Variants in ATOSB observed in about 807,000 individuals in gnomAD.
The protein encoded by ATOSB is atos homolog B.
the ATOSB span, chr9:35,106,573 G>C: frequency 6.4e-7 from 1 of 1,572,888 alleles, no homozygotes; most frequent in Non-Finnish European, 8.6e-7. This position sits in a 1 kb window ranked among gnomAD's most constrained non-coding sequence, Gnocchi z 4.6. Context: ...CTGACAGCAG[G>C]GGTAGGAACA....
At chr9:35,112,844 G>A in the ATOSB span, among the ~76,000 whole-genome samples, 1 of 151,860 alleles carries the variant, frequency 6.6e-6, no homozygotes, top group Non-Finnish European at 1.5e-5. Flanking sequence ...GGACCCCCCA[G>A]GGCCCTGAGG....
chr9:35,109,581 C>A, the ATOSB span: 1 of 152,202 alleles, frequency 6.6e-6, no homozygotes, highest in Non-Finnish European at 1.5e-5. Flanking sequence ...GCCAGCTGCC[C>A]CCAGGGTCAG....
chr9:35,111,111 A>C, the ATOSB span: 1 of 153,196 alleles, frequency 6.5e-6, no homozygotes, highest in South Asian at 2.1e-4. Context: ...TAAGCCAGGC[A>C]GACTCACCTG....
the ATOSB span, among the ~76,000 whole-genome samples, chr9:35,112,893 C>T: frequency 6.6e-6 from 1 of 152,118 alleles, no homozygotes; most frequent in Non-Finnish European, 1.5e-5. Context: ...CCTTCCTCTT[C>T]CCCCTAGTCC....
the ATOSB span, chr9:35,106,772 A>G: frequency 1.3e-6 from 2 of 1,535,022 alleles, no homozygotes; most frequent in Non-Finnish European, 1.8e-6. The surrounding 1 kb of genome is among the most constrained non-coding windows in gnomAD (Gnocchi z 4.6). Flanking sequence ...GATGCTGGAA[A>G]GAGTACAGAC....
At chr9:35,106,294 T>A in the ATOSB span, 1 of 1,614,068 alleles carries the variant, frequency 6.2e-7, no homozygotes, top group Non-Finnish European at 8.5e-7. This position sits in a 1 kb window ranked among gnomAD's most constrained non-coding sequence, Gnocchi z 4.6. Context: ...CATCAAAGAA[T>A]GTGACAGTGA....
At chr9:35,108,328 G>C in the ATOSB span, 1 of 1,483,126 alleles carries the variant, frequency 6.7e-7, no homozygotes, top group Non-Finnish European at 8.9e-7. Flanking sequence ...TGCTGGGCCT[G>C]GGCTGGGGGG....
At chr9:35,108,094 C>T in the ATOSB span, 1 of 1,547,852 alleles carries the variant, frequency 6.5e-7, no homozygotes, top group Non-Finnish European at 8.7e-7. Context: ...CTATGAGGCT[C>T]AGAGGTACCA....
At chr9:35,106,327 G>A in the ATOSB span, 1 of 1,614,076 alleles carries the variant, frequency 6.2e-7, no homozygotes, top group Admixed American at 1.7e-5. This position sits in a 1 kb window ranked among gnomAD's most constrained non-coding sequence, Gnocchi z 4.6. Flanking sequence ...CGTGCTGGGG[G>A]CAGTATGACC....
the ATOSB span, chr9:35,107,006 C>T: frequency 3.3e-6 from 3 of 914,254 alleles, no homozygotes; most frequent in East Asian, 2.7e-5. Flanking sequence ...TCCACCTTTA[C>T]CCACACAAAT....
the ATOSB span, among the ~76,000 whole-genome samples, chr9:35,115,032 C>A: frequency 6.9e-6 from 1 of 144,640 alleles, no homozygotes; most frequent in Non-Finnish European, 1.5e-5. Context: ...ACACCCAGAG[C>A]ATAAGGGCAG....
chr9:35,114,493 C>G, the ATOSB span, among the ~76,000 whole-genome samples: 1 of 152,094 alleles, frequency 6.6e-6, no homozygotes, highest in South Asian at 2.1e-4. Flanking sequence ...GGAACTCAAG[C>G]CTTTCCCACC....
At chr9:35,111,996 G>A in the ATOSB span, among the ~76,000 whole-genome samples, 67 of 152,256 alleles carry the variant, frequency 4.4e-4, no homozygotes, top group African/African-American at 1.6e-3. Flanking sequence ...TCTGCCTGCT[G>A]TCTATACCAG....
chr9:35,104,748 C>T, the ATOSB span: 106 of 242,306 alleles, frequency 4.4e-4, no homozygotes, highest in Admixed American at 8.9e-4. Flanking sequence ...CCTCCTGCCC[C>T]CACCGCATAA....
At chr9:35,110,671 C>CTGT in the ATOSB span, 1 of 152,292 alleles carries the variant, frequency 6.6e-6, no homozygotes, top group Non-Finnish European at 1.5e-5. Flanking sequence ...CTGGCAAGGA[C>CTGT]TACAGCTCCC....
the ATOSB span, chr9:35,105,845 G>T: frequency 6.2e-7 from 1 of 1,614,198 alleles, no homozygotes; most frequent in South Asian, 1.1e-5. This position sits in a 1 kb window ranked among gnomAD's most constrained non-coding sequence, Gnocchi z 5.5. Context: ...GTCTGGTTGG[G>T]GTTAAATAAG....
the ATOSB span, chr9:35,104,120 G>C: frequency 6.6e-6 from 1 of 152,524 alleles, no homozygotes; most frequent in Non-Finnish European, 1.5e-5. Context: ...GTAGAGCTTA[G>C]TTCAAGTTTC....
chr9:35,105,139 C>G, the ATOSB span: 1 of 1,441,078 alleles, frequency 6.9e-7, no homozygotes, highest in Non-Finnish European at 9.4e-7. This position sits in a 1 kb window ranked among gnomAD's most constrained non-coding sequence, Gnocchi z 5.5. Flanking sequence ...TGAAGGGTCT[C>G]TTGCTGTCTC....
the ATOSB span, chr9:35,106,511 G>A: frequency 1.3e-6 from 2 of 1,592,086 alleles, no homozygotes; most frequent in Non-Finnish European, 1.7e-6. The surrounding 1 kb of genome is among the most constrained non-coding windows in gnomAD (Gnocchi z 4.6). Context: ...CAGGACCCCG[G>A]CAATCACAAA....
Sources: allele counts gnomAD v4.1 joint callset (sites outside exome capture counted in the v4.1 genomes callset), GRCh38; gene constraint gnomAD v4.1.1; non-coding constraint Gnocchi (gnomAD v3.1); transcripts MANE v1.5; gene names NCBI Gene and HGNC (gene_info 2026-07-23, HGNC 2026-07-21).